Variants in NXPH2 observed in about 807,000 individuals in gnomAD.
The protein encoded by NXPH2 is neurexophilin 2.
In NXPH2, 5 loss-of-function variants were observed where a neutral mutation model predicts 19.8. The observed-to-expected ratio is 0.25, with a 90% CI of 0.13 to 0.53. NXPH2 has a LOEUF of 0.53. NXPH2 is among the 20% of genes least tolerant of loss of function. The pLI, the probability that NXPH2 is intolerant of heterozygous loss-of-function variation, is 0.96. For missense variants in NXPH2, 289 were observed against 322.8 expected, an observed-to-expected ratio of 0.90 and a Z score of 0.80; for synonymous variants, 154 against 127.4, an observed-to-expected ratio of 1.21 and a Z score of -1.41.
At chr2:138,754,747 C>T (rs932874627) in intron 1 of NXPH2, among the ~76,000 whole-genome samples, 1 of 152,222 alleles carries the variant, frequency 6.6e-6, no homozygotes, top group East Asian at 1.9e-4. Flanking sequence ...ATACATTTAG[C>T]TTTATAAGAA....
chr2:138,757,842 T>C (rs111717200), intron 1 of NXPH2, among the ~76,000 whole-genome samples: 57 of 136,246 alleles, frequency 4.2e-4, no homozygotes, highest in African/African-American at 1.4e-3. Context: ...TCTATCTATC[T>C]ATCTATCTAT....
intron 1 of NXPH2, among the ~76,000 whole-genome samples, chr2:138,672,798 T>C (rs78194880): frequency 1.0e-3 from 152 of 152,330 alleles, no homozygotes; most frequent in African/African-American, 3.1e-3. Flanking sequence ...AAAAATGGTT[T>C]CAGATTATTC....
chr2:138,709,977 T>C (rs1240146699), intron 1 of NXPH2, among the ~76,000 whole-genome samples: 1 of 152,232 alleles, frequency 6.6e-6, no homozygotes. Context: ...TCAGTGGCAT[T>C]ACTTGTATTC....
At chr2:138,726,572 C>T (rs1681363526) in intron 1 of NXPH2, among the ~76,000 whole-genome samples, 1 of 149,752 alleles carries the variant, frequency 6.7e-6, no homozygotes, top group Non-Finnish European at 1.5e-5. Flanking sequence ...TCCAACATAG[C>T]ACCAAAGGCC....
chr2:138,684,198 G>A (rs996385697), intron 1 of NXPH2, among the ~76,000 whole-genome samples: 3 of 152,116 alleles, frequency 2.0e-5, no homozygotes, highest in African/African-American at 7.2e-5. Context: ...GCTTGTCCAA[G>A]GTCCAAGTAT....
chr2:138,686,675 A>G (rs1437695390), intron 1 of NXPH2, among the ~76,000 whole-genome samples: 1 of 152,068 alleles, frequency 6.6e-6, no homozygotes, highest in Non-Finnish European at 1.5e-5. Context: ...TACATTAGGT[A>G]TATCTCCTAA....
At chr2:138,694,926 T>A (rs1403087961) in intron 1 of NXPH2, among the ~76,000 whole-genome samples, 1 of 152,178 alleles carries the variant, frequency 6.6e-6, no homozygotes, top group Non-Finnish European at 1.5e-5. Flanking sequence ...TACACCTAGA[T>A]GTATAGCCTA....
intron 1 of NXPH2, among the ~76,000 whole-genome samples, chr2:138,770,300 T>C (rs1240243223): frequency 2.6e-5 from 4 of 152,154 alleles, no homozygotes; most frequent in Non-Finnish European, 5.9e-5. Context: ...TTTAGTTATA[T>C]TTCATTTATG....
In NXPH2 at chr2:138,691,184, GA is replaced by G. The variant is rs778466852; in HGVS notation, c.52-19520del. On this transcript the variant is annotated intron_variant, in intron 1 of 1. Coordinates refer to ENST00000272641, the MANE Select transcript of NXPH2 (RefSeq NM_007226.3). The stretch of plus-strand genomic sequence containing the variant: ...ATCAAGGTGAATGTCTCACTTGAAG[GA>G]AAAAATTAATAAGTACTTGTTGGGT... 7.1e-4 allele frequency among the ~76,000 whole-genome samples: 108 copies of G among 152,302 alleles called. 1 individual carries two copies. Among genetic ancestry groups the G allele is most frequent in the Non-Finnish European group, 1.5e-3 (100 of 68,010 alleles).
At position 138,736,371 on chromosome 2, in the gene NXPH2, G is replaced by T. The variant is rs550965000; in HGVS notation, c.51+43820C>A. On this transcript the variant is annotated intron_variant, in intron 1 of 1. Transcript: ENST00000272641. ...ATTCTTGACTTCTGGGCACTTGTAG[G>T]TTCAACACTATGTGGAAGCTGCTCA... 2.9e-3 allele frequency among the ~76,000 whole-genome samples: 448 copies of T among 152,318 alleles called. 2 individuals carry two copies. The highest frequency in any genetic ancestry group is 5.1e-3 in the Non-Finnish European group (347 of 68,034).
chr2:138,770,649 A>T (rs750470535), intron 1 of NXPH2, among the ~76,000 whole-genome samples: 1 of 152,072 alleles, frequency 6.6e-6, no homozygotes, highest in Non-Finnish European at 1.5e-5. Context: ...AAACATAAAC[A>T]TACAAAAATA....
At chr2:138,718,612 C>T (rs1681228727) in intron 1 of NXPH2, among the ~76,000 whole-genome samples, 1 of 152,072 alleles carries the variant, frequency 6.6e-6, no homozygotes, top group African/African-American at 2.4e-5. Context: ...CTGAATATGA[C>T]TTGAAAAGGG....
chr2:138,693,588 T>A (rs1259090860), intron 1 of NXPH2, among the ~76,000 whole-genome samples: 1 of 152,124 alleles, frequency 6.6e-6, no homozygotes, highest in Non-Finnish European at 1.5e-5. Context: ...GTCTTGATTT[T>A]TTTTTTTCAT....
At position 138,671,072 on chromosome 2, in the gene NXPH2, C is replaced by G; in HGVS notation, c.645G>C (p.Gln215His). ...ACAACCAAGACACATGGCTCTGAGTCTGCTCCTGGTAGCAGATCTTGGATG... is the reference window on the plus strand; with the variant it reads ...ACAACCAAGACACATGGCTCTGAGTGTGCTCCTGGTAGCAGATCTTGGATG... ...FDPSKICYQE[Q>H]TQSHVSWLCS... The change falls in exon 2 of 2, where the codon CAG becomes CAC. Residue 215 changes from glutamine to histidine, a missense_variant. Transcript: ENST00000272641. The G allele has an allele frequency of 1.2e-6, 2 of 1,613,972 alleles. No homozygotes were observed. The highest frequency in any genetic ancestry group is 1.7e-6 in the Non-Finnish European group (2 of 1,179,872).
intron 1 of NXPH2, among the ~76,000 whole-genome samples, chr2:138,726,427 C>T (rs1681360613): frequency 6.6e-6 from 1 of 151,932 alleles, no homozygotes; most frequent in African/African-American, 2.4e-5. Flanking sequence ...TGTTACTATA[C>T]TTTCCTTAGG....
intron 1 of NXPH2, among the ~76,000 whole-genome samples, chr2:138,777,408 C>G (rs559928531): frequency 5.9e-5 from 9 of 152,188 alleles, no homozygotes; most frequent in African/African-American, 1.9e-4. Flanking sequence ...AGCAACCTGT[C>G]TGTTAAAAGC....
chr2:138,689,302 C>T (rs555441048), intron 1 of NXPH2, among the ~76,000 whole-genome samples: 1 of 152,264 alleles, frequency 6.6e-6, no homozygotes, highest in South Asian at 2.1e-4. Flanking sequence ...CCCTTGGAGA[C>T]TCAAATATAA....
intron 1 of NXPH2, among the ~76,000 whole-genome samples, chr2:138,707,775 T>G (rs1158475633): frequency 1.3e-5 from 2 of 152,188 alleles, no homozygotes; most frequent in African/African-American, 4.8e-5. Context: ...TGCCAGGTCT[T>G]AAAATTATCC....
intron 1 of NXPH2, among the ~76,000 whole-genome samples, chr2:138,737,431 T>C (rs1321188389): frequency 6.6e-6 from 1 of 152,118 alleles, no homozygotes; most frequent in Non-Finnish European, 1.5e-5. Context: ...ATGAGAACAG[T>C]ATGAAAGAAA....
Sources: allele counts gnomAD v4.1 joint callset (sites outside exome capture counted in the v4.1 genomes callset), GRCh38; gene constraint gnomAD v4.1.1; transcripts MANE v1.5; gene names NCBI Gene and HGNC (gene_info 2026-07-23, HGNC 2026-07-21).